SPTA1: variants seen among roughly 807,000 people sequenced by gnomAD.
SPTA1 encodes spectrin alpha, erythrocytic 1.
In SPTA1, 177 loss-of-function variants were observed where a neutral mutation model predicts 324.7. That is an observed-to-expected ratio of 0.55 (90% CI 0.48 to 0.62). The LOEUF is 0.62. SPTA1 is among the 20% of genes least tolerant of loss of function. The pLI, the probability that SPTA1 is intolerant of heterozygous loss-of-function variation, is 0.00. For synonymous variants in SPTA1, 1,195 were observed against 1,041.3 expected (o/e 1.15, Z -2.84); for missense variants, 3,162 against 2,883.6 (o/e 1.10, Z -2.21).
chr1:158,615,178 C>G, intron 48 of SPTA1, 38 bp downstream of exon 48: 1 of 1,611,712 alleles, frequency 6.2e-7, no homozygotes. Flanking sequence ...CTAACACCAC[C>G]TGCATCCCTC....
chr1:158,683,608 G>A, intron 2 of SPTA1, 112 bp from the exon 3 acceptor site: 2 of 1,384,384 alleles, frequency 1.4e-6, no homozygotes, highest in South Asian at 2.4e-5. Flanking sequence ...AGACTCAGAG[G>A]CCATAAAGAG....
chr1:158,641,151 A>C (rs1054856977), intron 33 of SPTA1, among the ~76,000 whole-genome samples: 19 of 152,222 alleles, frequency 1.2e-4, no homozygotes, highest in Admixed American at 7.9e-4. Flanking sequence ...CTTATACAAA[A>C]ATTAATTCAA....
intron 2 of SPTA1, among the ~76,000 whole-genome samples, chr1:158,684,105 A>G (rs1364843853): frequency 6.6e-6 from 1 of 151,324 alleles, no homozygotes; most frequent in Non-Finnish European, 1.5e-5. Context: ...GAAAAAAAAA[A>G]AACTCTGGTT....
intron 19 of SPTA1, among the ~76,000 whole-genome samples, 178 bp from the exon 20 acceptor site, chr1:158,656,834 T>G (rs1652861997): frequency 6.6e-6 from 1 of 152,230 alleles, no homozygotes; most frequent in Non-Finnish European, 1.5e-5. Context: ...AATTAATAAA[T>G]TATAATTTCA....
intron 26 of SPTA1, 50 bp downstream of exon 26, chr1:158,648,459 C>G (rs772142152): frequency 7.4e-6 from 12 of 1,612,654 alleles, no homozygotes; most frequent in Admixed American, 6.7e-5. Context: ...TGGTATACGG[C>G]TAAATATAGA....
intron 40 of SPTA1, 77 bp from the exon 41 acceptor site, chr1:158,627,084 C>A: frequency 6.4e-7 from 1 of 1,563,594 alleles, no homozygotes; most frequent in Non-Finnish European, 8.8e-7. Context: ...CAATAGAAAG[C>A]ACTCATCTCT....
At position 158,620,322 on chromosome 1, in the gene SPTA1, A is replaced by G; in HGVS notation, c.6265T>C (p.Leu2089=). The G allele has an allele frequency of 3.1e-6, 5 of 1,614,156 alleles. No individual in the cohort carries two copies. Among genetic ancestry groups the G allele is most frequent in the Non-Finnish European group, 4.2e-6 (5 of 1,180,036 alleles). The change falls in exon 44 of 52, where the codon TTG becomes CTG. Residue 2089 remains leucine (L), a synonymous_variant. Coordinates refer to ENST00000643759, the MANE Select transcript of SPTA1 (RefSeq NM_003126.4). ...GCTTGAGCCCTAGCCAGGGAGGCCA[A>G]GAAGTCCTCATGGTCTTTCTGCAGC... ...RQLQKDHEDF[L]ASLARAQADF...
At chr1:158,647,448 C>T (rs1424177064) in intron 27 of SPTA1, 91 bp downstream of exon 27, 6 of 1,539,326 alleles carry the variant, frequency 3.9e-6, no homozygotes, top group Non-Finnish European at 5.4e-6. Context: ...GTGATGCCCT[C>T]CAAAACCAGC....
chr1:158,615,877 T>G (rs553182095), intron 47 of SPTA1, among the ~76,000 whole-genome samples: 1 of 152,172 alleles, frequency 6.6e-6, no homozygotes, highest in South Asian at 2.1e-4. Context: ...CTCCACAGTG[T>G]TCACTCCTGG....
intron 39 of SPTA1, among the ~76,000 whole-genome samples, chr1:158,632,353 T>C (rs1011742506): frequency 7.2e-5 from 11 of 152,176 alleles, no homozygotes; most frequent in Admixed American, 6.5e-4. Flanking sequence ...CTCAAGAGCA[T>C]TTCTATACAG....
chr1:158,622,315 C>T (rs991996674), intron 43 of SPTA1, among the ~76,000 whole-genome samples: 5 of 151,728 alleles, frequency 3.3e-5, no homozygotes, highest in African/African-American at 1.2e-4. Flanking sequence ...ATTAATCATA[C>T]ATATTTATTA....
At chr1:158,655,522 C>A (rs115042144) in intron 20 of SPTA1, among the ~76,000 whole-genome samples, 119 of 152,116 alleles carry the variant, frequency 7.8e-4, no homozygotes, top group African/African-American at 2.8e-3. Context: ...TTCCTCATAC[C>A]ACACAATATA....
chr1:158,615,667 C>T (rs183066891), intron 47 of SPTA1, among the ~76,000 whole-genome samples: 4 of 151,768 alleles, frequency 2.6e-5, no homozygotes, highest in Admixed American at 2.6e-4. Context: ...CACACACATA[C>T]ATCTATATCT....
intron 27 of SPTA1, among the ~76,000 whole-genome samples, 183 bp downstream of exon 27, chr1:158,647,356 T>A (rs1652072590): frequency 6.6e-6 from 1 of 152,218 alleles, no homozygotes; most frequent in Non-Finnish European, 1.5e-5. Context: ...TGGCTTCATA[T>A]TCTTTCAAAC....
intron 38 of SPTA1, 38 bp downstream of exon 38, chr1:158,635,875 A>T (rs763963515): frequency 2.0e-5 from 32 of 1,613,906 alleles, no homozygotes; most frequent in Non-Finnish European, 2.6e-5. Flanking sequence ...AATATCCAAA[A>T]TCCAGGAAGG....
At chr1:158,634,754 C>T in intron 38 of SPTA1, 79 bp from the exon 39 acceptor site, 1 of 1,554,704 alleles carries the variant, frequency 6.4e-7, no homozygotes, top group Non-Finnish European at 8.8e-7. Context: ...GGCACAATCT[C>T]ATTCAGGCAG....
In SPTA1 at chr1:158,646,796, A is replaced by T. The variant is rs1217087094; in HGVS notation, c.3896+743T>A. On this transcript the variant is annotated intron_variant, in intron 27 of 51. Transcript: ENST00000643759. The stretch of plus-strand genomic sequence containing the variant: ...CTCCTTTTTTCTTGAAAAGCATTGC[A>T]TTGAGAGCTACAACTTCCTGGACCC... Among the ~76,000 whole-genome samples, 3 of 152,298 alleles carry T rather than the reference A, an allele frequency of 2.0e-5. No individual in the cohort carries two copies. In the East Asian group the frequency reaches 5.8e-4, roughly 29 times the overall value.
At position 158,619,303 on chromosome 1, in the gene SPTA1, G is replaced by C. The variant is rs747389050; in HGVS notation, c.6449C>G (p.Ala2150Gly). 6.2e-7 allele frequency: 1 copy of C among 1,614,098 alleles called. No homozygotes were observed. The highest frequency in any genetic ancestry group is 8.5e-7 in the Non-Finnish European group (1 of 1,179,986). The change falls in exon 45 of 52, where the codon GCA becomes GGA. Residue 2150 changes from alanine to glycine, a missense_variant. Transcript: ENST00000643759. The stretch of plus-strand genomic sequence containing the variant: ...CATCTCAAAGTTCTTGACCTGTCTT[G>C]CCTCTTCCTTTTGCAGCTCCTGCTC... ...EREQELQKEEARQVKNFEMCQ... is the reference protein window; with the variant it reads ...EREQELQKEEGRQVKNFEMCQ...
intron 7 of SPTA1, among the ~76,000 whole-genome samples, 168 bp from the exon 8 acceptor site, chr1:158,676,463 C>A (rs1267736620): frequency 6.6e-6 from 1 of 152,154 alleles, no homozygotes; most frequent in African/African-American, 2.4e-5. Context: ...AATTACAATT[C>A]ACTAAGTACT....
Sources: allele counts gnomAD v4.1 joint callset (sites outside exome capture counted in the v4.1 genomes callset), GRCh38; gene constraint gnomAD v4.1.1; transcripts MANE v1.5; gene names NCBI Gene and HGNC (gene_info 2026-07-23, HGNC 2026-07-21).